The following NADK variants were observed in gnomAD, a reference collection of about 807,000 sequenced individuals.
NADK encodes NAD kinase.
Under a neutral mutation model 49.8 loss-of-function variants are expected in NADK, and 22 were observed. That is an observed-to-expected ratio of 0.44 (90% CI 0.32 to 0.63). NADK has a LOEUF of 0.63. Among genes scored for constraint, NADK ranks in the 30% least tolerant of loss-of-function variants. NADK has a pLI of 0.06. For synonymous variants in NADK, 268 were observed against 253.7 expected (o/e 1.06, Z -0.54); for missense variants, 438 against 609.4 (o/e 0.72, Z 2.96).
At position 1,752,771 on chromosome 1, in the gene NADK, G is replaced by A. The variant is rs1645365175; in HGVS notation, c.*133C>T. The A allele has an allele frequency of 9.3e-7, 1 of 1,072,046 alleles. No individual in the cohort carries two copies. The highest frequency in any genetic ancestry group is 2.3e-5 in the Admixed American group (1 of 43,044). The allele number at this position is 1,072,046 out of a possible 1,614,324, so 66.4% of individuals were successfully genotyped here. A position where few individuals can be genotyped will look rare whatever the true frequency, so the allele number is the denominator to read the frequency against. ...CTGATCTGGACAAAAGGCAGACCCA[G>A]GCTCTAACCCAGCTACAGAAAGGAA... On this transcript the variant is annotated 3_prime_UTR_variant, in exon 12 of 12. Coordinates refer to ENST00000341426, the MANE Select transcript of NADK (RefSeq NM_023018.5).
intron 4 of NADK, 28 bp downstream of exon 4, chr1:1,757,153 A>AG: frequency 4.8e-6 from 2 of 416,866 alleles, no homozygotes; most frequent in South Asian, 8.6e-5. Context: ...TGTGCACCCC[A>AG]GGCCCCCTTC....
intron 2 of NADK, among the ~76,000 whole-genome samples, chr1:1,763,494 C>T (rs1458582396): frequency 1.3e-5 from 2 of 151,906 alleles, no homozygotes; most frequent in Admixed American, 6.6e-5. Context: ...TGGCATATGC[C>T]TGTAATCCCA....
At chr1:1,773,766 G>GA (rs1160133348) in intron 1 of NADK, among the ~76,000 whole-genome samples, 12 of 151,292 alleles carry the variant, frequency 7.9e-5, no homozygotes, top group Non-Finnish European at 1.8e-4. Flanking sequence ...GAGAGACTGA[G>GA]AGGTAGGGTC....
intron 1 of NADK, among the ~76,000 whole-genome samples, chr1:1,767,698 G>C (rs1477306486): frequency 6.6e-6 from 1 of 152,088 alleles, no homozygotes; most frequent in Non-Finnish European, 1.5e-5. Context: ...TTATTTTGTA[G>C]AGACAAGGTC....
At chr1:1,765,104 C>A (rs992336289) in intron 2 of NADK, 124 bp downstream of exon 2, 18 of 1,001,548 alleles carry the variant, frequency 1.8e-5, no homozygotes, top group Admixed American at 5.4e-5. Context: ...TGGGCAAGGA[C>A]CCAGCCTCAC....
chr1:1,755,921 A>T (rs1277789417), intron 6 of NADK: 1 of 487,296 alleles, frequency 2.1e-6, no homozygotes, highest in East Asian at 3.6e-5. Flanking sequence ...CCCAGGGGAG[A>T]GCTGTGCTGC....
chr1:1,770,864 C>G (rs1200099691), intron 1 of NADK, among the ~76,000 whole-genome samples: 1 of 151,800 alleles, frequency 6.6e-6, no homozygotes, highest in African/African-American at 2.4e-5. Flanking sequence ...GCCTGACCAA[C>G]ATGGTGAAAC....
rs775236595 is a variant in NADK, at chr1:1,754,693, C to T, written c.694G>A (p.Ala232Thr). The change falls in exon 8 of 12, where the codon GCA becomes ACA. Residue 232 changes from alanine (A) to threonine (T), a missense_variant. Coordinates refer to ENST00000341426, the MANE Select transcript of NADK (RefSeq NM_023018.5). The surrounding 1 kb of genome is among the most constrained non-coding windows in gnomAD (Gnocchi z 4.3). ...SQVTQVIEGN[A>T]AVVLRSRLKV... ...AGCCGACTCCGGAGAACAACAGCTGCGTTCCCTGAGGTCCAGCAGGAGTCA... is the reference window on the plus strand; with the variant it reads ...AGCCGACTCCGGAGAACAACAGCTGTGTTCCCTGAGGTCCAGCAGGAGTCA... The T allele has an allele frequency of 1.1e-5, 18 of 1,610,616 alleles. No homozygotes were observed. The highest frequency in any genetic ancestry group is 4.0e-5 in the African/African-American group (3 of 74,884).
rs1645989760 is a variant in NADK, at chr1:1,769,701, C to T, written c.-40-4255G>A. On this transcript the variant is annotated intron_variant, in intron 1 of 11. Transcript: ENST00000341426. ...TGAGATCGTGCCACTGCACTCTAAC[C>T]TGGGCGACAGAGCAAGACTCCATCT... 5.9e-5 allele frequency among the ~76,000 whole-genome samples: 9 copies of T among 151,434 alleles called. No homozygotes were observed. The South Asian group carries it at 1.9e-3, about 32-fold the overall frequency.
chr1:1,773,559 T>G (rs866190509), intron 1 of NADK, among the ~76,000 whole-genome samples: 3 of 151,722 alleles, frequency 2.0e-5, no homozygotes, highest in Non-Finnish European at 4.4e-5. Flanking sequence ...GAGACCAGCC[T>G]GGGCAACACA....
At position 1,756,558 on chromosome 1, in the gene NADK, G is replaced by A. The variant is rs571304540; in HGVS notation, c.444C>T (p.Ile148=). 1,246 of 1,614,078 alleles carry A rather than the reference G, an allele frequency of 7.7e-4. 22 individuals are homozygous for A. The South Asian group carries it at 0.012, about 16-fold the overall frequency. The part of the protein sequence containing the change: ...VEKKVLEDPA[I]ASDESFGAVK... ...CTGCCCCAAAGCTTTCATCGCTGGC[G>A]ATGGCAGGGTCTTCTAGCACTTTCT... is the stretch of plus-strand genomic sequence containing the variant. The change falls in exon 5 of 12, where the codon ATC becomes ATT. Residue 148 remains isoleucine (I), a synonymous_variant. Coordinates refer to ENST00000341426, the MANE Select transcript of NADK (RefSeq NM_023018.5).
chr1:1,773,199 G>C (rs551742591), intron 1 of NADK, among the ~76,000 whole-genome samples: 92 of 151,438 alleles, frequency 6.1e-4, no homozygotes, highest in African/African-American at 2.2e-3. Flanking sequence ...GAGTGCAATG[G>C]CGCAATCTTG....
Position 1,754,057 on chromosome 1 carries a change from C to G in NADK, c.1095G>C (p.Glu365Asp). 1 of 1,580,048 alleles carries G rather than the reference C, an allele frequency of 6.3e-7. No individual in the cohort carries two copies. Among genetic ancestry groups the G allele is most frequent in the Non-Finnish European group, 8.6e-7 (1 of 1,162,998 alleles). ...GAGTGTCGTTGGCTCTGACCTTCAGCTCGACCCCTGCGGGGACCACGATGG... is the reference window on the plus strand; with the variant it reads ...GAGTGTCGTTGGCTCTGACCTTCAGGTCGACCCCTGCGGGGACCACGATGG... The part of the protein sequence containing the change: ...FRPIVVPAGV[E>D]LKIMLSPEAR... Residue 365 changes from glutamate to aspartate, a missense_variant, in exon 10 of 12, where the codon GAG (glutamate) becomes GAC (aspartate). Coordinates refer to ENST00000341426, the MANE Select transcript of NADK (RefSeq NM_023018.5). The surrounding 1 kb of genome is among the most constrained non-coding windows in gnomAD (Gnocchi z 4.3).
At chr1:1,753,171 G>T in intron 11 of NADK, 111 bp from the exon 12 acceptor site, 1 of 1,356,170 alleles carries the variant, frequency 7.4e-7, no homozygotes, top group South Asian at 1.4e-5. Flanking sequence ...TTTCCTGTGG[G>T]GCCGGGCAGC....
Position 1,758,520 on chromosome 1 carries a change from C to G in NADK, c.264-1210G>C, listed in dbSNP as rs770875455. On this transcript the variant is annotated intron_variant, in intron 3 of 11. Transcript: ENST00000341426. ...ATCCAGGCCACGCTTGGCGAACACG[C>G]GGCCGCCCCATCGGTATGGTCCTGA... 2.5e-6 allele frequency: 4 copies of G among 1,608,374 alleles called. No individual in the cohort carries two copies. In the African/African-American group the frequency reaches 5.3e-5, roughly 21 times the overall value.
At chr1:1,757,154 G>GGCCCCCCTCCCCCCC in intron 4 of NADK, 27 bp downstream of exon 4, 1 of 706,652 alleles carries the variant, frequency 1.4e-6, no homozygotes. Context: ...GTGCACCCCA[G>GGCCCCCCTCCCCCCC]GCCCCCTTCC....
Position 1,757,170 on chromosome 1 carries a change from G to A in NADK, c.393+11C>T. 2.1e-6 allele frequency: 1 copy of A among 481,414 alleles called. No homozygotes were observed. Among genetic ancestry groups the A allele is most frequent in the South Asian group, 2.3e-5 (1 of 44,002 alleles). The allele number at this position is 481,414 out of a possible 1,614,324, so 29.8% of individuals were successfully genotyped here. On this transcript the variant is annotated intron_variant, in intron 4 of 11. Coordinates refer to ENST00000341426, the MANE Select transcript of NADK (RefSeq NM_023018.5). Reference sequence around the variant, plus strand: ...TGCACCCCAGGCCCCCTTCCCCCCTGCCCCGCGTGCCTCCATGAGGTGCGT... The same window carrying A: ...TGCACCCCAGGCCCCCTTCCCCCCTACCCCGCGTGCCTCCATGAGGTGCGT...
chr1:1,760,278 G>A (rs1645676990), intron 3 of NADK, among the ~76,000 whole-genome samples: 1 of 152,220 alleles, frequency 6.6e-6, no homozygotes, highest in Non-Finnish European at 1.5e-5. Flanking sequence ...GGCACTGAAA[G>A]GGCTGGGCCT....
chr1:1,755,233 T>A, intron 7 of NADK, 141 bp downstream of exon 7: 1 of 703,544 alleles, frequency 1.4e-6, no homozygotes, highest in Middle Eastern at 2.5e-4. Context: ...TTTGAACCAC[T>A]CAAGATTTAG....
Sources: allele counts gnomAD v4.1 joint callset (sites outside exome capture counted in the v4.1 genomes callset), GRCh38; gene constraint gnomAD v4.1.1; non-coding constraint Gnocchi (gnomAD v3.1); transcripts MANE v1.5; gene names NCBI Gene and HGNC (gene_info 2026-07-23, HGNC 2026-07-21).